Variants in SEMA5A observed in about 807,000 individuals in gnomAD.
SEMA5A encodes semaphorin-5A.
In SEMA5A, 55 loss-of-function variants were observed where a neutral mutation model predicts 135.5. That is an observed-to-expected ratio of 0.41 (90% CI 0.33 to 0.51). The LOEUF is 0.51. Among genes scored for constraint, SEMA5A ranks in the 20% least tolerant of loss-of-function variants. The probability of loss-of-function intolerance (pLI) is 0.37; values close to 1 mark genes in which losing one functional copy is unlikely to be tolerated. For missense variants in SEMA5A, 1,290 were observed against 1,419.9 expected, an observed-to-expected ratio of 0.91 and a Z score of 1.47; for synonymous variants, 580 against 546.5, an observed-to-expected ratio of 1.06 and a Z score of -0.85.
At chr5:9,273,108 T>C (rs1750070986) in intron 5 of SEMA5A, among the ~76,000 whole-genome samples, 1 of 152,002 alleles carries the variant, frequency 6.6e-6, no homozygotes, top group Non-Finnish European at 1.5e-5. Context: ...GCTAAGAACC[T>C]TGAAAAAAGT....
intron 9 of SEMA5A, among the ~76,000 whole-genome samples, chr5:9,201,313 C>T (rs1316338653): frequency 6.6e-6 from 1 of 152,160 alleles, no homozygotes; most frequent in Admixed American, 6.5e-5. Flanking sequence ...GATCAGAAAA[C>T]TTCATAAGCT....
intron 8 of SEMA5A, among the ~76,000 whole-genome samples, chr5:9,205,088 A>C (rs181389746): frequency 1.3e-5 from 2 of 152,316 alleles, no homozygotes; most frequent in East Asian, 1.9e-4. Context: ...ACTGAAAAAA[A>C]TAAATAGTGC....
intron 1 of SEMA5A, among the ~76,000 whole-genome samples, chr5:9,458,784 G>A (rs1185329953): frequency 3.3e-5 from 5 of 152,218 alleles, no homozygotes; most frequent in African/African-American, 1.2e-4. Context: ...GCATCAATTT[G>A]GGAGGAACCC....
At chr5:9,291,143 A>G in intron 5 of SEMA5A, among the ~76,000 whole-genome samples, 1 of 152,192 alleles carries the variant, frequency 6.6e-6, no homozygotes, top group East Asian at 1.9e-4. Context: ...CTGCTTCAGA[A>G]TCACATTTAG....
intron 1 of SEMA5A, among the ~76,000 whole-genome samples, chr5:9,457,864 GA>G (rs753792990): frequency 8.8e-6 from 1 of 113,978 alleles, no homozygotes; most frequent in South Asian, 2.9e-4. Context: ...GGTACAAAAG[GA>G]AAGAAAAATA....
intron 8 of SEMA5A, among the ~76,000 whole-genome samples, chr5:9,220,225 G>C (rs1746857244): frequency 1.3e-5 from 2 of 152,244 alleles, no homozygotes; most frequent in South Asian, 2.1e-4. Context: ...AGGGGAGTGG[G>C]GGATAAAAGA....
At chr5:9,188,715 C>T (rs988457644) in intron 11 of SEMA5A, among the ~76,000 whole-genome samples, 5 of 104,908 alleles carry the variant, frequency 4.8e-5, no homozygotes, top group Admixed American at 3.0e-4. Context: ...AAACCTATTC[C>T]GTGCCGGGTA....
rs188061363 is a variant in SEMA5A at position 9,448,034 on chromosome 5, A to G, written c.-174-10182T>C. On this transcript the variant is annotated intron_variant, in intron 1 of 22. Transcript: ENST00000382496. ...AGAACCAAAAGGTCGGCATGTCCTG[A>G]AGTCAACCTGCTGGGGAAGCAGATG... Among the ~76,000 whole-genome samples the G allele has an allele frequency of 3.2e-4, 49 of 152,272 alleles. 1 individual carries two copies. Among genetic ancestry groups the G allele is most frequent in the Admixed American group, 1.2e-3 (19 of 15,300 alleles).
At chr5:9,537,862 T>TGCATATGC (rs1487302892) in intron 1 of SEMA5A, among the ~76,000 whole-genome samples, 1 of 152,186 alleles carries the variant, frequency 6.6e-6, no homozygotes, top group African/African-American at 2.4e-5. Flanking sequence ...GAGAAATGCA[T>TGCATATGC]ATGAGTGCTA....
At chr5:9,466,236 G>T (rs1759255616) in intron 1 of SEMA5A, among the ~76,000 whole-genome samples, 2 of 151,870 alleles carry the variant, frequency 1.3e-5, no homozygotes, top group South Asian at 4.2e-4. Flanking sequence ...AGGGGAAGGG[G>T]GAGGGATAGC....
chr5:9,379,672 G>T, intron 3 of SEMA5A, 151 bp downstream of exon 3: 3 of 930,094 alleles, frequency 3.2e-6, no homozygotes, highest in South Asian at 2.0e-5. Flanking sequence ...AATGATAGAG[G>T]CTTTTGTAGT....
At chr5:9,173,927 T>C (rs1744068182) in intron 11 of SEMA5A, among the ~76,000 whole-genome samples, 1 of 152,206 alleles carries the variant, frequency 6.6e-6, no homozygotes, top group African/African-American at 2.4e-5. Flanking sequence ...CACAGCATCC[T>C]TTGGTAACAA....
At chr5:9,416,975 A>G (rs1579506615) in intron 2 of SEMA5A, among the ~76,000 whole-genome samples, 1 of 152,372 alleles carries the variant, frequency 6.6e-6, no homozygotes, top group South Asian at 2.1e-4. Flanking sequence ...CTGTAAGTAG[A>G]AAAGAAATTG....
chr5:9,423,530 A>C (rs1348968125), intron 2 of SEMA5A, among the ~76,000 whole-genome samples: 2 of 152,234 alleles, frequency 1.3e-5, no homozygotes, highest in Non-Finnish European at 2.9e-5. Context: ...GCCTCAGGGA[A>C]TCCTAATGGC....
intron 3 of SEMA5A, among the ~76,000 whole-genome samples, chr5:9,370,401 T>C (rs1353145114): frequency 6.6e-6 from 1 of 152,222 alleles, no homozygotes; most frequent in Non-Finnish European, 1.5e-5. Context: ...TCCATTCATT[T>C]TGGTGCTTTA....
At chr5:9,155,273 T>A (rs1742892291) in intron 11 of SEMA5A, among the ~76,000 whole-genome samples, 1 of 152,118 alleles carries the variant, frequency 6.6e-6, no homozygotes. Flanking sequence ...TGGGCTCAAC[T>A]CCTCCAAACT....
At chr5:9,414,291 A>G (rs1027683204) in intron 2 of SEMA5A, among the ~76,000 whole-genome samples, 31 of 152,262 alleles carry the variant, frequency 2.0e-4, no homozygotes, top group African/African-American at 7.5e-4. Flanking sequence ...TGCATTTAAG[A>G]TCTAGCGATT....
chr5:9,353,080 A>AAAGG (rs145668288), intron 3 of SEMA5A, among the ~76,000 whole-genome samples: 21,623 of 50,068 alleles, frequency 0.43, 8,026 homozygotes, highest in South Asian at 0.6. Context: ...AAAGGAAAGG[A>AAAGG]AAGGAAAGGA....
chr5:9,273,114 A>G (rs900877441), intron 5 of SEMA5A, among the ~76,000 whole-genome samples: 40 of 151,946 alleles, frequency 2.6e-4, no homozygotes, highest in African/African-American at 9.2e-4. Context: ...AACCTTGAAA[A>G]AAGTTCTTGA....
Sources: allele counts gnomAD v4.1 joint callset (sites outside exome capture counted in the v4.1 genomes callset), GRCh38; gene constraint gnomAD v4.1.1; transcripts MANE v1.5; gene names NCBI Gene and HGNC (gene_info 2026-07-23, HGNC 2026-07-21).